GBX2: variants seen among roughly 807,000 people sequenced by gnomAD.
The protein encoded by GBX2 is homeobox protein GBX-2.
A neutral mutation model predicts 22.4 loss-of-function variants in GBX2; 5 were observed. The ratio of observed to expected loss-of-function variants is 0.22; its 90% CI spans 0.12 to 0.47. GBX2 has a LOEUF of 0.47. Among genes scored for constraint, GBX2 ranks in the 20% least tolerant of loss-of-function variants. GBX2 has a pLI of 0.99. For synonymous variants in GBX2, 220 were observed against 230.5 expected (o/e 0.95, Z 0.41); for missense variants, 470 against 495.4 (o/e 0.95, Z 0.49).
rs757092821 is a variant in GBX2 at position 236,166,126 on chromosome 2, G to C, written c.835C>G (p.Gln279Glu). 6.2e-7 allele frequency: 1 copy of C among 1,614,232 alleles called. No homozygotes were observed. The highest frequency in any genetic ancestry group is 8.5e-7 in the Non-Finnish European group (1 of 1,180,028). Reference protein sequence around the residue: ...KKYLSLTERSQIAHALKLSEV... With the variant: ...KKYLSLTERSEIAHALKLSEV... ...CTGAGTTTGAGGGCGTGGGCGATCT[G>C]CGAGCGCTCGGTCAAGGAGAGGTAC... Residue 279 changes from glutamine (Q) to glutamate (E), a missense_variant, in exon 2 of 2, where the codon CAG (glutamine) becomes GAG (glutamate). Transcript: ENST00000306318. This position sits in a 1 kb window ranked among gnomAD's most constrained non-coding sequence, Gnocchi z 6.6.
chr2:236,167,799 G>A lies in GBX2; in HGVS notation c.173C>T (p.Pro58Leu). The change falls in exon 1 of 2, where the codon CCG becomes CTG. Residue 58 changes from proline (P) to leucine (L), a missense_variant. By Grantham distance (98) the Pro-to-Leu change is moderately conservative. This residue lies in a region of GBX2 where 377 missense variants were observed against 358.6 expected (regional missense o/e 1.05). Coordinates refer to ENST00000306318, the MANE Select transcript of GBX2 (RefSeq NM_001485.4). ...MPYRPVVLPP[P>L]PPPPPALPQA... ...GGGCAGCGCGGGCGGCGGCGGCGGC[G>A]GCGGCGGCAGCACTACCGGCCGGTA... The A allele has an allele frequency of 7.1e-7, 1 of 1,406,568 alleles. No homozygotes were observed. Among genetic ancestry groups the A allele is most frequent in the Non-Finnish European group, 9.3e-7 (1 of 1,077,590 alleles). 87.1% of individuals were successfully genotyped at this position (1,406,568 alleles called of 1,614,324 possible).
chr2:236,165,679 A>C lies in GBX2; in HGVS notation c.*235T>G. ...CAGCTGAGATCCAGTCTATAGAGAT[A>C]TTTATGTACAAAGTAGGATAGTATA... On this transcript the variant is annotated 3_prime_UTR_variant, in exon 2 of 2. Transcript: ENST00000306318. 1 of 521,806 alleles carries C rather than the reference A, an allele frequency of 1.9e-6. No individual in the cohort carries two copies. Among genetic ancestry groups the C allele is most frequent in the Non-Finnish European group, 3.4e-6 (1 of 295,918 alleles). 32.3% of individuals were successfully genotyped at this position (521,806 alleles called of 1,614,324 possible).
chr2:236,164,881 G>A (rs2060229436), downstream of GBX2, among the ~76,000 whole-genome samples: 1 of 152,174 alleles, frequency 6.6e-6, no homozygotes. Context: ...AGTCGATTTG[G>A]AGCATCAGGA....
chr2:236,164,565 A>G (rs1322325935), downstream of GBX2, among the ~76,000 whole-genome samples: 1 of 151,444 alleles, frequency 6.6e-6, no homozygotes, highest in African/African-American at 2.4e-5. Context: ...TCCCCTGCGT[A>G]GCCTCTCCCG....
rs991398264 is a variant in GBX2, at chr2:236,168,013, G to A, written c.-42C>T. ...GGCCAGCGAGAGGCGAAAAGTCCCC[G>A]CGCCGCGCCGCCGCCGGGAAGCCCG... On this transcript the variant is annotated 5_prime_UTR_variant, in exon 1 of 2. Coordinates refer to ENST00000306318, the MANE Select transcript of GBX2 (RefSeq NM_001485.4). 22 of 1,416,540 alleles carry A rather than the reference G, an allele frequency of 1.6e-5. No individual in the cohort carries two copies. Among genetic ancestry groups the A allele is most frequent in the Non-Finnish European group, 1.8e-5 (20 of 1,086,228 alleles). 87.7% of individuals were successfully genotyped at this position (1,416,540 alleles called of 1,614,324 possible). A position where few individuals can be genotyped will look rare whatever the true frequency, so the allele number is the denominator to read the frequency against.
chr2:236,167,160 A>C (rs1435036066), intron 1 of GBX2: 9 of 1,535,484 alleles, frequency 5.9e-6, no homozygotes, highest in Non-Finnish European at 7.8e-6. Flanking sequence ...GTCACCGCGG[A>C]GCGGCAGAGG....
In GBX2 at chr2:236,166,713, C is replaced by A. The variant is rs1331972140; in HGVS notation, c.524-276G>T. ...CCGCCATGCCTCCCCCGCACCCTCCCAGCCTCGGCAGCGTCAGGAGAAGTA... is the reference window on the plus strand; with the variant it reads ...CCGCCATGCCTCCCCCGCACCCTCCAAGCCTCGGCAGCGTCAGGAGAAGTA... On this transcript the variant is annotated intron_variant, in intron 1 of 1. Transcript: ENST00000306318. The surrounding 1 kb of genome is among the most constrained non-coding windows in gnomAD (Gnocchi z 6.6). Among the ~76,000 whole-genome samples the A allele has an allele frequency of 1.3e-5, 2 of 151,960 alleles. No individual in the cohort carries two copies. The highest frequency in any genetic ancestry group is 3.9e-4 in the East Asian group (2 of 5,166).
At chr2:236,167,300 G>T (rs1268754399) in intron 1 of GBX2, 149 bp downstream of exon 1, 4 of 1,372,848 alleles carry the variant, frequency 2.9e-6, no homozygotes, top group Non-Finnish European at 4.0e-6. Flanking sequence ...GAGGCCCAGC[G>T]GCACAGCCGG....
At chr2:236,167,394 C>T (rs1172818924) in intron 1 of GBX2, 55 bp downstream of exon 1, 1 of 1,402,688 alleles carries the variant, frequency 7.1e-7, no homozygotes, top group African/African-American at 1.5e-5. Flanking sequence ...CCGGCGCTGG[C>T]CCGCCCCCGC....
rs1487858119 is a variant in GBX2, at chr2:236,165,839, G to C, written c.*75C>G. The C allele has an allele frequency of 8.4e-7, 1 of 1,193,494 alleles. No homozygotes were observed. Among genetic ancestry groups the C allele is most frequent in the Non-Finnish European group, 1.2e-6 (1 of 837,214 alleles). The allele number at this position is 1,193,494 out of a possible 1,614,324, so 73.9% of individuals were successfully genotyped here. A position where few individuals can be genotyped will look rare whatever the true frequency, so the allele number is the denominator to read the frequency against. ...CTGTGACTTTGTTGCTTCAAACACA[G>C]TGGAGTCCACCATGGGTTCCCTCGG... On this transcript the variant is annotated 3_prime_UTR_variant, in exon 2 of 2. Coordinates refer to ENST00000306318, the MANE Select transcript of GBX2 (RefSeq NM_001485.4).
rs953530947 is a variant in GBX2 at position 236,168,175 on chromosome 2, C to T, written c.-204G>A. 4.1e-5 allele frequency: 17 copies of T among 410,660 alleles called. No homozygotes were observed. Among genetic ancestry groups the T allele is most frequent in the Middle Eastern group, 6.9e-4 (1 of 1,440 alleles). The allele number at this position is 410,660 out of a possible 1,614,324, so 25.4% of individuals were successfully genotyped here. A position where few individuals can be genotyped will look rare whatever the true frequency, so the allele number is the denominator to read the frequency against. On this transcript the variant is annotated 5_prime_UTR_variant, in exon 1 of 2. Coordinates refer to ENST00000306318, the MANE Select transcript of GBX2 (RefSeq NM_001485.4). ...GGGTGTGCGGGGTGAGGCCGTGCGC[C>T]CCGGAGTGGAGAGGGCGCCCGGGCC...
At chr2:236,164,048 G>A (rs1017130315), downstream of GBX2, among the ~76,000 whole-genome samples, 6 of 152,218 alleles carry the variant, frequency 3.9e-5, no homozygotes, top group African/African-American at 9.6e-5. Flanking sequence ...TGGGAACGCG[G>A]CGGGAAAGGG....
downstream of GBX2, among the ~76,000 whole-genome samples, chr2:236,162,634 G>GC (rs1194243642): frequency 4.6e-5 from 7 of 152,206 alleles, no homozygotes; most frequent in Non-Finnish European, 1.0e-4. Context: ...TGTTCTTGTG[G>GC]CCCCCCTCCG....
At chr2:236,161,373 G>T (rs2060212981), downstream of GBX2, among the ~76,000 whole-genome samples, 1 of 152,254 alleles carries the variant, frequency 6.6e-6, no homozygotes, top group African/African-American at 2.4e-5. Context: ...TATGCAGGTT[G>T]TCTACATACA....
At chr2:236,167,344 G>A (rs1267549156) in intron 1 of GBX2, 105 bp downstream of exon 1, 4 of 1,374,054 alleles carry the variant, frequency 2.9e-6, no homozygotes, top group Non-Finnish European at 3.9e-6. Flanking sequence ...CGGGGGTCGA[G>A]CGGGGGCGCG....
Position 236,165,937 on chromosome 2 carries a change from G to A in GBX2, c.1024C>T (p.Gln342Ter). ...SRFAIRSQHQQLEQARP is the reference protein window; with the variant it reads ...SRFAIRSQHQ ...CCTCAGGGCCGGGCCTGTTCTAGCT[G>A]CTGATGCTGACTTCTGATAGCGAAC... Residue 342 changes from glutamine to a stop codon, truncating the protein, a stop_gained, in exon 2 of 2, where the codon CAG becomes TAG. Coordinates refer to ENST00000306318, the MANE Select transcript of GBX2 (RefSeq NM_001485.4). LOFTEE classifies it high-confidence loss of function. 1.9e-6 allele frequency: 3 copies of A among 1,613,994 alleles called. No homozygotes were observed. The highest frequency in any genetic ancestry group is 2.5e-6 in the Non-Finnish European group (3 of 1,179,922).
chr2:236,165,956 A>G lies in GBX2; in HGVS notation c.1005T>C (p.Ala335=). 6.2e-7 allele frequency: 1 copy of G among 1,614,116 alleles called. No individual in the cohort carries two copies. Among genetic ancestry groups the G allele is most frequent in the Non-Finnish European group, 8.5e-7 (1 of 1,180,004 alleles). Residue 335 remains alanine (A), a synonymous_variant, in exon 2 of 2, where the codon GCT becomes GCC. Transcript: ENST00000306318. ...CTAGCTGCTGATGCTGACTTCTGATAGCGAACCTGCTGACGTGGACAGGGA... is the reference window on the plus strand; with the variant it reads ...CTAGCTGCTGATGCTGACTTCTGATGGCGAACCTGCTGACGTGGACAGGGA... ...VPIPVHVSRF[A]IRSQHQQLEQ... is the part of the protein sequence containing the mutation.
At chr2:236,167,374 C>A (rs1275492258) in intron 1 of GBX2, 75 bp downstream of exon 1, 1 of 1,407,512 alleles carries the variant, frequency 7.1e-7, no homozygotes, top group Admixed American at 3.0e-5. Flanking sequence ...CCTTGGTCTC[C>A]CGCGGGAACC....
Position 236,167,783 on chromosome 2 carries a change from GGGCGGC to G in GBX2, c.183_188del (p.Pro62_Pro63del), listed in dbSNP as rs545073704. ...GCTGCAGCGCGGCCTGGGGCAGCGC[GGGCGGC>G]GGCGGCGGCGGCGGCGGCAGCACTA... On this transcript the variant is annotated inframe_deletion, in exon 1 of 2. Transcript: ENST00000306318. 58 of 1,406,800 alleles carry G rather than the reference GGGCGGC, an allele frequency of 4.1e-5. No individual in the cohort carries two copies. The highest frequency in any genetic ancestry group is 6.8e-5 in the South Asian group (4 of 59,136). The allele number at this position is 1,406,800 out of a possible 1,614,324, so 87.1% of individuals were successfully genotyped here.
Sources: gnomAD v4.1 joint callset for allele counts (sites outside exome capture counted in the v4.1 genomes callset) on GRCh38, gnomAD v4.1.1 for gene constraint, gnomAD v4.1.1 regional missense constraint, Gnocchi (gnomAD v3.1) non-coding constraint, MANE v1.5 for transcripts, NCBI Gene and HGNC (gene_info 2026-07-23, HGNC 2026-07-21) for gene names.